The following METTL6 variants were observed in gnomAD, a reference collection of about 807,000 sequenced individuals.
METTL6 encodes methyltransferase 6, tRNA N3-cytidine.
METTL6 carries 22 observed loss-of-function variants against 26.4 expected under a neutral mutation model. That is an observed-to-expected ratio of 0.83 (90% CI 0.59 to 1.19). The LOEUF is 1.19. Among genes scored for constraint, METTL6 ranks in the 50% most tolerant of loss-of-function variants. The pLI is 0.00. For synonymous variants in METTL6, 109 were observed against 116.2 expected, an observed-to-expected ratio of 0.94 and a Z score of 0.40; for missense variants, 304 against 324.8, an observed-to-expected ratio of 0.94 and a Z score of 0.49.
chr3:15,390,486 G>T (rs1699314824), intron 6 of METTL6, among the ~76,000 whole-genome samples: 1 of 152,166 alleles, frequency 6.6e-6, no homozygotes, highest in South Asian at 2.1e-4. Flanking sequence ...AGAAAATTAT[G>T]AGACAGGATA....
intron 6 of METTL6, among the ~76,000 whole-genome samples, chr3:15,386,876 C>T (rs1475191882): frequency 2.0e-5 from 3 of 152,074 alleles, no homozygotes; most frequent in Non-Finnish European, 4.4e-5. Flanking sequence ...TCACTGAAAC[C>T]TCTGCCTCCC....
chr3:15,415,707 TGAGG>T (rs1375577688), intron 4 of METTL6, 61 bp downstream of exon 4: 1 of 1,597,702 alleles, frequency 6.3e-7, no homozygotes, highest in Non-Finnish European at 8.5e-7. Flanking sequence ...ATGAGCCTCA[TGAGG>T]GAAGGTAAGT....
Position 15,426,634 on chromosome 3 carries a change from G to C in METTL6, c.-123C>G. The C allele has an allele frequency of 1.2e-6, 1 of 836,856 alleles. No homozygotes were observed. Among genetic ancestry groups the C allele is most frequent in the Non-Finnish European group, 1.9e-6 (1 of 532,712 alleles). 51.8% of individuals were successfully genotyped at this position (836,856 alleles called of 1,614,324 possible). A position where few individuals can be genotyped will look rare whatever the true frequency, so the allele number is the denominator to read the frequency against. On this transcript the variant is annotated splice_region_variant and 5_prime_UTR_variant, in exon 2 of 6. Coordinates refer to ENST00000383790, the MANE Select transcript of METTL6 (RefSeq NM_152396.4). ...GTTTCACGCCTCAAACAGCACAGGG[G>C]GCTTCGCAGAGAAAAGAATTAGATT...
chr3:15,402,735 C>CA (rs548363790), intron 6 of METTL6, among the ~76,000 whole-genome samples: 8,951 of 56,936 alleles, frequency 0.16, 477 homozygotes, highest in African/African-American at 0.22. Flanking sequence ...GATTCCATCT[C>CA]AAAAAAAAAA....
chr3:15,415,710 G>A (rs751428525), intron 4 of METTL6, 62 bp downstream of exon 4: 10 of 1,597,726 alleles, frequency 6.3e-6, no homozygotes, highest in Non-Finnish European at 8.5e-6. Context: ...AGCCTCATGA[G>A]GGAAGGTAAG....
At chr3:15,382,819 T>A (rs904825807) in exon 7 of METTL6, 1 of 150,484 alleles carries the variant, frequency 6.6e-6, no homozygotes, top group Non-Finnish European at 1.5e-5. Context: ...GGACATTCTA[T>A]CATTTGCAAC....
At chr3:15,427,337 A>T (rs1459529726) in intron 1 of METTL6, 65 bp downstream of exon 1, 1 of 202,550 alleles carries the variant, frequency 4.9e-6, no homozygotes, top group Non-Finnish European at 1.0e-5. Context: ...TTAGTCAGCC[A>T]CGCTCAGGGC....
rs2061756403 is a variant in METTL6, at chr3:15,427,514, T to C, written c.-237A>G. The C allele has an allele frequency of 5.7e-6, 3 of 522,640 alleles. No homozygotes were observed. The highest frequency in any genetic ancestry group is 4.2e-5 in the South Asian group (2 of 48,134). The allele number at this position is 522,640 out of a possible 1,614,324, so 32.4% of individuals were successfully genotyped here. A position where few individuals can be genotyped will look rare whatever the true frequency, so the allele number is the denominator to read the frequency against. On this transcript the variant is annotated 5_prime_UTR_variant, in exon 1 of 6. It removes an upstream start codon present in the reference 5' UTR. Transcript: ENST00000383790. The stretch of plus-strand genomic sequence containing the variant: ...GGATTATCCGGGAGTTCTTTTGCCA[T>C]GGCACCGCCCCCGCCACTTCCGCTA...
chr3:15,426,447 A>C lies in METTL6; in HGVS notation c.65T>G (p.Leu22Arg). 1 of 1,614,166 alleles carries C rather than the reference A, an allele frequency of 6.2e-7. No individual in the cohort carries two copies. The highest frequency in any genetic ancestry group is 1.1e-5 in the South Asian group (1 of 91,084). The change falls in exon 2 of 6, where the codon CTG becomes CGG. Residue 22 changes from leucine (L) to arginine (R), a missense_variant. Coordinates refer to ENST00000383790, the MANE Select transcript of METTL6 (RefSeq NM_152396.4). Reference protein sequence around the residue: ...RILTSEEEEKLKRDQTLVSDF... With the variant: ...RILTSEEEEKRKRDQTLVSDF... ...AGACACCAAAGTTTGGTCTCTTTTC[A>C]GTTTCTCCTCTTCTTCAGAGGTGAG...
chr3:15,383,992 A>T, exon 7 of METTL6: 1 of 305,912 alleles, frequency 3.3e-6, no homozygotes, highest in Non-Finnish European at 6.2e-6. Context: ...CAGACTGTAC[A>T]TCCCCCACCC....
At chr3:15,397,531 G>A (rs1003839807) in intron 6 of METTL6, among the ~76,000 whole-genome samples, 4 of 152,058 alleles carry the variant, frequency 2.6e-5, no homozygotes, top group South Asian at 2.1e-4. Flanking sequence ...AGATGCACCC[G>A]GTACCTCAGT....
At chr3:15,392,354 T>C (rs1199058992) in intron 6 of METTL6, among the ~76,000 whole-genome samples, 3 of 152,140 alleles carry the variant, frequency 2.0e-5, no homozygotes, top group Admixed American at 2.0e-4. Context: ...TTGTTTTTTT[T>C]CTTGTAAATT....
At chr3:15,386,466 A>T (rs766871434) in intron 6 of METTL6, among the ~76,000 whole-genome samples, 13 of 152,290 alleles carry the variant, frequency 8.5e-5, no homozygotes, top group Middle Eastern at 3.4e-3. Context: ...GTCCACTTGG[A>T]AGAGGGCCAA....
intron 6 of METTL6, among the ~76,000 whole-genome samples, chr3:15,385,431 C>T (rs1171177586): frequency 6.6e-6 from 1 of 152,134 alleles, no homozygotes; most frequent in Non-Finnish European, 1.5e-5. Flanking sequence ...AAACCTGTCT[C>T]TACTAAAAAT....
In METTL6 at chr3:15,411,179, G is replaced by A; in HGVS notation, c.*77C>T. 6.7e-7 allele frequency: 1 copy of A among 1,485,824 alleles called. No individual in the cohort carries two copies. The highest frequency in any genetic ancestry group is 1.4e-5 in the African/African-American group (1 of 71,198). The allele number at this position is 1,485,824 out of a possible 1,614,324, so 92.0% of individuals were successfully genotyped here. A position where few individuals can be genotyped will look rare whatever the true frequency, so the allele number is the denominator to read the frequency against. On this transcript the variant is annotated 3_prime_UTR_variant, in exon 6 of 6. Transcript: ENST00000383790. ...CGAAGTGCTGGGATTACAGGCATGA[G>A]CCACCGCACCCAGACGAAAGAGTGA...
At chr3:15,406,551 C>A (rs1699788964), downstream of METTL6, among the ~76,000 whole-genome samples, 1 of 142,694 alleles carries the variant, frequency 7.0e-6, no homozygotes, top group Non-Finnish European at 1.5e-5. Flanking sequence ...CCACTTCCAA[C>A]CCTGACCCAG....
intron 6 of METTL6, among the ~76,000 whole-genome samples, chr3:15,389,653 G>C (rs949032167): frequency 6.6e-6 from 1 of 152,020 alleles, no homozygotes; most frequent in Non-Finnish European, 1.5e-5. Flanking sequence ...GGGTTCAAGA[G>C]ATTCTCCTGC....
At position 15,425,277 on chromosome 3, in the gene METTL6, A is replaced by T. The variant is rs1052338985; in HGVS notation, c.226-188T>A. On this transcript the variant is annotated intron_variant, in intron 2 of 5. Transcript: ENST00000383790. ...CAACATTAACAATTTGGTGTGGAGGAAAAAAACAGCACAATGGCTAACTCG... is the reference window on the plus strand; with the variant it reads ...CAACATTAACAATTTGGTGTGGAGGTAAAAAACAGCACAATGGCTAACTCG... 1.3e-5 allele frequency among the ~76,000 whole-genome samples: 2 copies of T among 152,146 alleles called. 1 individual carries two copies. The highest frequency in any genetic ancestry group is 1.3e-4 in the Admixed American group (2 of 15,268).
chr3:15,403,094 C>A (rs1189020435), intron 6 of METTL6, among the ~76,000 whole-genome samples: 3 of 151,986 alleles, frequency 2.0e-5, no homozygotes, highest in Admixed American at 1.3e-4. Flanking sequence ...CTCACTGTTA[C>A]ATTTTGCAAA....
Sources: gnomAD v4.1 joint callset for allele counts (sites outside exome capture counted in the v4.1 genomes callset) on GRCh38, gnomAD v4.1.1 for gene constraint, MANE v1.5 for transcripts, NCBI Gene and HGNC (gene_info 2026-07-23, HGNC 2026-07-21) for gene names.